The following COLQ variants were observed in gnomAD, a reference collection of about 807,000 sequenced individuals.
COLQ encodes the protein acetylcholinesterase collagenic tail peptide.
A neutral mutation model predicts 69.0 loss-of-function variants in COLQ; 48 were observed. The ratio of observed to expected loss-of-function variants is 0.70; its 90% CI spans 0.55 to 0.88. The LOEUF is 0.88. COLQ is among the 40% of genes least tolerant of loss of function. The pLI is 0.00. For missense variants in COLQ, 618 were observed against 594.6 expected, an observed-to-expected ratio of 1.04 and a Z score of -0.41; for synonymous variants, 217 against 211.2, an observed-to-expected ratio of 1.03 and a Z score of -0.24.
chr3:15,488,252 G>A lies in COLQ; in HGVS notation c.275C>T (p.Pro92Leu), dbSNP rs757464366. 9.3e-6 allele frequency: 15 copies of A among 1,613,516 alleles called. No homozygotes were observed. The highest frequency in any genetic ancestry group is 1.3e-5 in the African/African-American group (1 of 75,036). Residue 92 changes from proline (P) to leucine (L), a missense_variant, in exon 3 of 17, where the codon CCG becomes CTG. Physicochemically the swap from Pro to Leu is moderately conservative, Grantham distance 98 (BLOSUM62 -3). Coordinates refer to ENST00000383788, the MANE Select transcript of COLQ (RefSeq NM_005677.4). ...LMLELETSQS[P>L]CMQGSLGSPG... is the part of the protein sequence containing the mutation. ...GGAGCCTAGCGAGCCTTGCATGCAC[G>A]GGGACTGCGAGGTCTCCAGTTCCAG...
At chr3:15,498,797 C>A in intron 1 of COLQ, 1 of 1,482,224 alleles carries the variant, frequency 6.7e-7, no homozygotes, top group Non-Finnish European at 8.9e-7. Context: ...GTAGGCAGCC[C>A]TGCTCCAGCT....
intron 12 of COLQ, among the ~76,000 whole-genome samples, chr3:15,459,032 C>T (rs769997203): frequency 2.4e-4 from 37 of 151,898 alleles, no homozygotes; most frequent in Non-Finnish European, 4.4e-4. Context: ...TTAGTAGAGA[C>T]GGGGTTTTGC....
intron 1 of COLQ, among the ~76,000 whole-genome samples, chr3:15,494,799 C>G (rs937048113): frequency 6.6e-6 from 1 of 152,162 alleles, no homozygotes; most frequent in African/African-American, 2.4e-5. Context: ...AGAGCAGGAG[C>G]CAGCTTTTAT....
At chr3:15,482,441 G>A (rs1182762821) in intron 3 of COLQ, among the ~76,000 whole-genome samples, 1 of 152,152 alleles carries the variant, frequency 6.6e-6, no homozygotes, top group Non-Finnish European at 1.5e-5. Flanking sequence ...TTTTGTCAAA[G>A]GCCTTTCCTG....
chr3:15,468,530 C>T (rs575189521), intron 11 of COLQ, among the ~76,000 whole-genome samples: 1 of 152,166 alleles, frequency 6.6e-6, no homozygotes, highest in South Asian at 2.1e-4. Context: ...TGGGATGTCA[C>T]TGTATGTTGG....
At chr3:15,498,961 A>T in intron 1 of COLQ, 1 of 1,174,314 alleles carries the variant, frequency 8.5e-7, no homozygotes, top group Non-Finnish European at 1.1e-6. Flanking sequence ...TTGGCTCAAA[A>T]ACCGACTTGA....
chr3:15,508,872 C>T (rs75696055), intron 1 of COLQ, among the ~76,000 whole-genome samples: 6,236 of 151,672 alleles, frequency 0.041, 298 homozygotes, highest in Admixed American at 0.14. Context: ...CACTGCAGGC[C>T]AGGTGTAGTG....
intron 11 of COLQ, among the ~76,000 whole-genome samples, chr3:15,468,967 C>T (rs959985504): frequency 3.9e-5 from 6 of 152,220 alleles, no homozygotes; most frequent in African/African-American, 1.4e-4. Flanking sequence ...CTTTCAGAGA[C>T]TCTCAGCACT....
rs1290390620 is a variant in COLQ, at chr3:15,474,238, T to C, written c.590A>G (p.Lys197Arg). 4 of 1,613,992 alleles carry C rather than the reference T, an allele frequency of 2.5e-6. No individual in the cohort carries two copies. The highest frequency in any genetic ancestry group is 3.4e-6 in the Non-Finnish European group (4 of 1,179,938). The change falls in exon 9 of 17, where the codon AAA (lysine) becomes AGA (arginine). Residue 197 changes from lysine (K) to arginine (R), a missense_variant. Transcript: ENST00000383788. Reference sequence around the variant, plus strand: ...GGTTTTCTCCATTACCTTTTCTCCTTTGGGACCCAGGTCACCCTTTTCACC... The same window carrying C: ...GGTTTTCTCCATTACCTTTTCTCCTCTGGGACCCAGGTCACCCTTTTCACC... ...SRGEKGDLGP[K>R]GEKGFPGFPG...
intron 1 of COLQ, among the ~76,000 whole-genome samples, chr3:15,509,101 G>A (rs929591897): frequency 3.3e-5 from 5 of 152,118 alleles, no homozygotes; most frequent in East Asian, 1.9e-4. Context: ...AATGCAAAGC[G>A]GCAGCAGATG....
chr3:15,512,280 G>A (rs1273924660), intron 1 of COLQ, among the ~76,000 whole-genome samples: 1 of 152,154 alleles, frequency 6.6e-6, no homozygotes, highest in African/African-American at 2.4e-5. Context: ...GCCCGCAGCT[G>A]GTTGATGGTG....
At chr3:15,471,694 T>C (rs1435865079) in intron 10 of COLQ, among the ~76,000 whole-genome samples, 6 of 152,234 alleles carry the variant, frequency 3.9e-5, no homozygotes, top group African/African-American at 9.7e-5. Context: ...CACCTGTATA[T>C]GGAAAGGATC....
chr3:15,470,220 T>C (rs1318379635), intron 11 of COLQ, among the ~76,000 whole-genome samples: 1 of 152,208 alleles, frequency 6.6e-6, no homozygotes, highest in East Asian at 1.9e-4. Flanking sequence ...GTTTTCTGGG[T>C]AAATGACCAT....
chr3:15,489,555 T>C lies in COLQ; in HGVS notation c.189A>G (p.Pro63=), dbSNP rs1439577390. 1.9e-6 allele frequency: 3 copies of C among 1,614,022 alleles called. No homozygotes were observed. Among genetic ancestry groups the C allele is most frequent in the East Asian group, 2.2e-5 (1 of 44,894 alleles). The stretch of plus-strand genomic sequence containing the variant: ...TTCGGCCACCTCTGAAGAATGGTGG[T>C]GGGAACAGTGGTGGTGGAGGAGGCG... ...LLTPPPPPLF[P]PPFFRGGRSP... Residue 63 remains proline (P), a synonymous_variant, in exon 2 of 17, where the codon CCA becomes CCG. Coordinates refer to ENST00000383788, the MANE Select transcript of COLQ (RefSeq NM_005677.4).
intron 12 of COLQ, among the ~76,000 whole-genome samples, chr3:15,460,996 A>G (rs1333003361): frequency 6.6e-6 from 1 of 152,108 alleles, no homozygotes; most frequent in Non-Finnish European, 1.5e-5. Context: ...TGAGGCTGAG[A>G]TTTGAATTCA....
chr3:15,498,607 C>T (rs1013926917), intron 1 of COLQ: 17 of 1,551,706 alleles, frequency 1.1e-5, no homozygotes, highest in Middle Eastern at 1.7e-4. Context: ...GGGCCCAAAG[C>T]GGACTGGCCA....
intron 1 of COLQ, among the ~76,000 whole-genome samples, chr3:15,495,896 TAC>T (rs1347380602): frequency 1.3e-5 from 2 of 152,182 alleles, no homozygotes; most frequent in Non-Finnish European, 2.9e-5. Context: ...GTCCCCTGGC[TAC>T]AGTTTCTCCT....
intron 3 of COLQ, among the ~76,000 whole-genome samples, chr3:15,484,502 G>C (rs1199251418): frequency 1.3e-5 from 2 of 152,198 alleles, no homozygotes; most frequent in Non-Finnish European, 2.9e-5. Flanking sequence ...ATAATATCCT[G>C]AAGAGTGTTT....
chr3:15,510,320 G>T (rs571255536), intron 1 of COLQ, among the ~76,000 whole-genome samples: 36 of 152,278 alleles, frequency 2.4e-4, no homozygotes, highest in African/African-American at 7.7e-4. Flanking sequence ...GCAGTGCAAA[G>T]CTCTGTAGGT....
Sources: gnomAD v4.1 joint callset for allele counts (sites outside exome capture counted in the v4.1 genomes callset) on GRCh38, gnomAD v4.1.1 for gene constraint, MANE v1.5 for transcripts, NCBI Gene and HGNC (gene_info 2026-07-23, HGNC 2026-07-21) for gene names.